USP12: variants seen among roughly 807,000 people sequenced by gnomAD.
The protein encoded by USP12 is ubiquitin specific peptidase 12, also known as ubiquitin carboxyl-terminal hydrolase 12.
USP12 carries 19 observed loss-of-function variants against 45.5 expected under a neutral mutation model. The observed-to-expected ratio is 0.42, with a 90% CI of 0.29 to 0.61. USP12 has a LOEUF of 0.61. Among genes scored for constraint, USP12 ranks in the 20% least tolerant of loss-of-function variants. The probability of loss-of-function intolerance (pLI) is 0.22; values close to 1 mark genes in which losing one functional copy is unlikely to be tolerated. For missense variants in USP12, 242 were observed against 447.7 expected (o/e 0.54, Z 4.15); for synonymous variants, 149 against 148.8 (o/e 1.00, Z -0.01).
At chr13:27,130,272 C>T (rs1876432053) in intron 1 of USP12, among the ~76,000 whole-genome samples, 1 of 152,144 alleles carries the variant, frequency 6.6e-6, no homozygotes, top group African/African-American at 2.4e-5. Context: ...TGCAACCTTT[C>T]TTGTTTTTTT....
intron 1 of USP12, among the ~76,000 whole-genome samples, 186 bp from the exon 2 acceptor site, chr13:27,116,782 A>C (rs987493256): frequency 3.3e-5 from 5 of 151,520 alleles, no homozygotes; most frequent in African/African-American, 4.8e-5. Flanking sequence ...AGATATGTTC[A>C]GATGCACACT....
chr13:27,124,335 T>C (rs1876128300), intron 1 of USP12, among the ~76,000 whole-genome samples: 1 of 152,228 alleles, frequency 6.6e-6, no homozygotes, highest in Non-Finnish European at 1.5e-5. Flanking sequence ...TGAGGATATG[T>C]CATTTTGAAA....
chr13:27,108,817 G>C (rs150247855), intron 2 of USP12, among the ~76,000 whole-genome samples: 2 of 152,118 alleles, frequency 1.3e-5, no homozygotes, highest in African/African-American at 4.8e-5. Context: ...AATTAGCCGG[G>C]TGTGGTGGCA....
chr13:27,153,071 C>T (rs1227316566), intron 1 of USP12, among the ~76,000 whole-genome samples: 1 of 152,164 alleles, frequency 6.6e-6, no homozygotes, highest in African/African-American at 2.4e-5. Flanking sequence ...GTGGCTCACA[C>T]CTGTAATCCC....
chr13:27,158,320 G>C (rs1039043868), intron 1 of USP12, among the ~76,000 whole-genome samples: 3 of 152,184 alleles, frequency 2.0e-5, no homozygotes, highest in East Asian at 1.9e-4. Flanking sequence ...AAATGGAAGA[G>C]AGTCTCCTCA....
rs142585115 is a variant in USP12, at chr13:27,116,129, G to A, written c.129+387C>T. Among the ~76,000 whole-genome samples, 107 of 152,016 alleles carry A rather than the reference G, an allele frequency of 7.0e-4. 1 individual carries two copies. In the East Asian group the frequency reaches 0.014, roughly 19 times the overall value. On this transcript the variant is annotated intron_variant, in intron 2 of 8. Transcript: ENST00000282344. Reference sequence around the variant, plus strand: ...AGATCGAGACCATCCTGGCTAACACGGTGAAACCCTGTCTCTACTAAAAAT... The same window carrying A: ...AGATCGAGACCATCCTGGCTAACACAGTGAAACCCTGTCTCTACTAAAAAT...
chr13:27,117,821 T>C (rs1875814686), intron 1 of USP12: 1 of 518,098 alleles, frequency 1.9e-6, no homozygotes, highest in Admixed American at 1.9e-5. Flanking sequence ...CTCAATTCTG[T>C]GCACCTGTGG....
intron 6 of USP12, among the ~76,000 whole-genome samples, chr13:27,086,487 G>A (rs1158198132): frequency 1.3e-5 from 2 of 151,378 alleles, no homozygotes; most frequent in Non-Finnish European, 2.9e-5. Context: ...ACATTTTATA[G>A]CTTTTATAGT....
At position 27,069,259 on chromosome 13, in the gene USP12, G is replaced by T; in HGVS notation, c.*24C>A. 1.3e-6 allele frequency: 2 copies of T among 1,561,620 alleles called. No homozygotes were observed. The highest frequency in any genetic ancestry group is 1.4e-5 in the African/African-American group (1 of 73,708). ...AACCAGAGAAGAAATGAGGCAGAAAGTGTCTCTTCATCACGGTTCCCTCTC... is the reference window on the plus strand; with the variant it reads ...AACCAGAGAAGAAATGAGGCAGAAATTGTCTCTTCATCACGGTTCCCTCTC... On this transcript the variant is annotated 3_prime_UTR_variant, in exon 9 of 9. Coordinates refer to ENST00000282344, the MANE Select transcript of USP12 (RefSeq NM_182488.4).
Position 27,075,344 on chromosome 13 carries a change from T to C in USP12, c.779A>G (p.Lys260Arg). ...AAGTTGATCCATATATTTAAATCTC[T>C]TCAGGTGTAGAGCTAGAATCATGGG... is the stretch of plus-strand genomic sequence containing the variant. The part of the protein sequence containing the change: ...KLPMILALHL[K>R]RFKYMDQLHR... Residue 260 changes from lysine (K) to arginine (R), a missense_variant, in exon 7 of 9, where the codon AAG (lysine) becomes AGG (arginine). Around this residue, in one of 5 missense-constraint regions of USP12, gnomAD observed 94 missense variants for 168.3 expected, o/e 0.56. Transcript: ENST00000282344. 1 of 1,614,168 alleles carries C rather than the reference T, an allele frequency of 6.2e-7. No homozygotes were observed. Among genetic ancestry groups the C allele is most frequent in the Non-Finnish European group, 8.5e-7 (1 of 1,180,006 alleles).
At chr13:27,081,998 G>C (rs543015502) in intron 6 of USP12, among the ~76,000 whole-genome samples, 1 of 152,170 alleles carries the variant, frequency 6.6e-6, no homozygotes, top group African/African-American at 2.4e-5. Context: ...TAGATTCAGC[G>C]TAATTCTTAA....
Position 27,067,075 on chromosome 13 carries a change from C to G in USP12, c.*2208G>C, listed in dbSNP as rs1443569022. 1 of 152,082 alleles carries G rather than the reference C, an allele frequency of 6.6e-6. No homozygotes were observed. The highest frequency in any genetic ancestry group is 1.9e-4 in the East Asian group (1 of 5,194). The allele number at this position is 152,082 out of a possible 1,614,324, so 9.4% of individuals were successfully genotyped here. On this transcript the variant is annotated 3_prime_UTR_variant, in exon 9 of 9. Coordinates refer to ENST00000282344, the MANE Select transcript of USP12 (RefSeq NM_182488.4). ...AAGTATGTGATTACCAGGAACTCAA[C>G]ACATACACTAGAACTTGCTTTAATA...
In USP12 at chr13:27,141,621, A is replaced by G. The variant is rs572092669; in HGVS notation, c.49-25025T>C. On this transcript the variant is annotated intron_variant, in intron 1 of 8. Transcript: ENST00000282344. ...AGGAACAATTTGGGTATCAAAATCA[A>G]TAATAATAATGAGTCACATGAACAA... is the stretch of plus-strand genomic sequence containing the variant. Among the ~76,000 whole-genome samples, 7 of 152,330 alleles carry G rather than the reference A, an allele frequency of 4.6e-5. No individual in the cohort carries two copies. The South Asian group carries it at 6.2e-4, about 14-fold the overall frequency.
At chr13:27,088,416 C>CAAA (rs11323861) in intron 6 of USP12, among the ~76,000 whole-genome samples, 163 of 92,834 alleles carry the variant, frequency 1.8e-3, no homozygotes, top group Middle Eastern at 6.4e-3. Context: ...GACTCCGTCT[C>CAAA]AAAAAAAAAA....
chr13:27,169,696 C>T (rs897937458), intron 1 of USP12, among the ~76,000 whole-genome samples: 2 of 152,148 alleles, frequency 1.3e-5, no homozygotes, highest in Admixed American at 1.3e-4. Flanking sequence ...AAGTGTGTGA[C>T]CCTGGCAAAT....
At chr13:27,095,067 A>C (rs1874511240) in intron 4 of USP12, among the ~76,000 whole-genome samples, 1 of 152,138 alleles carries the variant, frequency 6.6e-6, no homozygotes, top group Non-Finnish European at 1.5e-5. Context: ...AGATGGAAGG[A>C]TTGCTTGAGC....
chr13:27,106,554 G>A (rs1220801572), intron 2 of USP12, among the ~76,000 whole-genome samples: 2 of 152,120 alleles, frequency 1.3e-5, no homozygotes, highest in Non-Finnish European at 2.9e-5. Flanking sequence ...GATTTGGGGA[G>A]CACTATGAAA....
intron 1 of USP12, among the ~76,000 whole-genome samples, chr13:27,166,435 G>A (rs1292956428): frequency 6.6e-6 from 1 of 152,154 alleles, no homozygotes; most frequent in Non-Finnish European, 1.5e-5. Flanking sequence ...AAAGGAGGCA[G>A]ACTCAGTTTG....
At chr13:27,126,070 G>C (rs1876223425) in intron 1 of USP12, among the ~76,000 whole-genome samples, 1 of 152,260 alleles carries the variant, frequency 6.6e-6, no homozygotes. Context: ...GCAGCAGACA[G>C]CTTCTGCAGA....
Sources: allele counts gnomAD v4.1 joint callset (sites outside exome capture counted in the v4.1 genomes callset), GRCh38; gene constraint gnomAD v4.1.1; regional missense constraint gnomAD v4.1.1; transcripts MANE v1.5; gene names NCBI Gene and HGNC (gene_info 2026-07-23, HGNC 2026-07-21).